Variants in STK3 observed in about 807,000 individuals in gnomAD.
STK3 encodes serine/threonine-protein kinase 3.
A neutral mutation model predicts 58.0 loss-of-function variants in STK3; 41 were observed. The ratio of observed to expected loss-of-function variants is 0.71; its 90% CI spans 0.55 to 0.92. The LOEUF (loss-of-function observed/expected upper bound fraction) is 0.92, where lower values mean the gene tolerates loss of function less well. Among genes scored for constraint, STK3 ranks in the 40% least tolerant of loss-of-function variants. STK3 has a pLI of 0.00. For synonymous variants in STK3, 170 were observed against 191.0 expected (o/e 0.89, Z 0.91); for missense variants, 479 against 602.7 (o/e 0.79, Z 2.15).
chr8:98,429,249 G>A (rs1330511797), intron 3 of STK3: 5 of 1,614,068 alleles, frequency 3.1e-6, no homozygotes, highest in Non-Finnish European at 4.2e-6. Flanking sequence ...AAAGCAACTT[G>A]AGAGTGCCAT....
chr8:98,557,989 G>C (rs1586856251), intron 8 of STK3, among the ~76,000 whole-genome samples: 2 of 151,992 alleles, frequency 1.3e-5, no homozygotes, highest in African/African-American at 4.8e-5. Flanking sequence ...TATAGGAGAA[G>C]TTTCCAAACA....
chr8:98,887,138 A>G (rs890170975), intron 1 of STK3, among the ~76,000 whole-genome samples: 1 of 152,108 alleles, frequency 6.6e-6, no homozygotes, highest in African/African-American at 2.4e-5. Context: ...TACTTATAAT[A>G]CCTAATACAA....
Position 98,893,426 on chromosome 8 carries a change from GAAA to G in STK3, c.-78-9595_-78-9593del, listed in dbSNP as rs1838283016. Among the ~76,000 whole-genome samples, 114 of 48,858 alleles carry G rather than the reference GAAA, an allele frequency of 2.3e-3. 2 individuals are homozygous for G. Among genetic ancestry groups the G allele is most frequent in the Admixed American group, 2.7e-3 (12 of 4,430 alleles). The allele number at this position is 48,858 out of a possible 152,430, so 32.1% of individuals were successfully genotyped here. On this transcript the variant is annotated intron_variant, in intron 1 of 1. Coordinates refer to the STK3 transcript ENST00000519420. The stretch of plus-strand genomic sequence containing the variant: ...AGAAAGAAGGAAGGAAGGAAGGAAA[GAAA>G]GAAAGAAAGAAAGAAAGAAAGAAAG...
intron 1 of STK3, chr8:98,438,363 T>G (rs1187406558): frequency 6.6e-6 from 1 of 152,180 alleles, no homozygotes; most frequent in East Asian, 1.9e-4. Flanking sequence ...GTGCTGATAT[T>G]TCAGGGAAGA....
intron 1 of STK3, among the ~76,000 whole-genome samples, chr8:98,797,644 T>A (rs1833262339): frequency 6.6e-6 from 1 of 152,154 alleles, no homozygotes; most frequent in Non-Finnish European, 1.5e-5. Flanking sequence ...TCAAAACTCA[T>A]CAAACTGCAC....
In STK3 at chr8:98,795,692, G is replaced by A. The variant is rs115310542; in HGVS notation, c.27-20873C>T. Among the ~76,000 whole-genome samples the A allele has an allele frequency of 5.5e-3, 832 of 152,192 alleles. 7 individuals are homozygous for A. The highest frequency in any genetic ancestry group is 0.017 in the African/African-American group (694 of 41,520). On this transcript the variant is annotated intron_variant, in intron 1 of 10. Coordinates refer to ENST00000419617, the MANE Select transcript of STK3 (RefSeq NM_006281.4). ...GGAACTGATAAACTACTTGAGTAAC[G>A]TTTCAGGATACAAAATGAACAAAAA... is the stretch of plus-strand genomic sequence containing the variant.
At chr8:98,782,435 C>A in intron 1 of STK3, 1 of 253,216 alleles carries the variant, frequency 3.9e-6, no homozygotes, top group South Asian at 5.8e-5. Flanking sequence ...GGAGTGTGTT[C>A]AAAAACAGGT....
the STK3 span, among the ~76,000 whole-genome samples, chr8:98,344,690 G>A: frequency 4.0e-5 from 6 of 151,696 alleles, no homozygotes; most frequent in African/African-American, 4.8e-5. Flanking sequence ...TCAGGAGATC[G>A]AGACCATCCC....
chr8:98,479,486 CGGGGGGGGGGGGGG>C (rs55853383), intron 10 of STK3, among the ~76,000 whole-genome samples: 1 of 16,686 alleles, frequency 6.0e-5, no homozygotes, highest in Non-Finnish European at 9.0e-5. Flanking sequence ...CACTCCGTCT[CGGGGGGGGGGGGGG>C]GGCGGGAAAG....
chr8:98,428,009 G>C lies in STK3; in HGVS notation n.483+6118C>G, dbSNP rs184683445. 34 of 1,585,148 alleles carry C rather than the reference G, an allele frequency of 2.1e-5. No individual in the cohort carries two copies. Among genetic ancestry groups the C allele is most frequent in the Non-Finnish European group, 2.8e-5 (33 of 1,164,520 alleles). ...CCGGCCAGAGCCTGTGGGACGTGTC[G>C]GAGGCTAACGTCGAGGACGGGGAGA... On this transcript the variant is annotated intron_variant and non_coding_transcript_variant, in intron 3 of 3. Transcript: ENST00000517832. This position sits in a 1 kb window ranked among gnomAD's most constrained non-coding sequence, Gnocchi z 6.7.
chr8:98,762,968 TAA>T (rs1441124937), intron 3 of STK3, among the ~76,000 whole-genome samples: 1 of 152,218 alleles, frequency 6.6e-6, no homozygotes, highest in Admixed American at 6.5e-5. Flanking sequence ...GCAATTCATG[TAA>T]AAGCTCTAGG....
chr8:98,535,209 T>A (rs934730971), intron 9 of STK3, among the ~76,000 whole-genome samples: 1 of 152,178 alleles, frequency 6.6e-6, no homozygotes, highest in Non-Finnish European at 1.5e-5. Context: ...AAACCACCAT[T>A]ATCAACTGCA....
upstream of STK3, among the ~76,000 whole-genome samples, chr8:98,826,608 C>T (rs931710966): frequency 1.3e-5 from 2 of 152,190 alleles, no homozygotes; most frequent in Non-Finnish European, 2.9e-5. Flanking sequence ...CAGCCCTCAT[C>T]CCATTGTAAT....
intron 10 of STK3, among the ~76,000 whole-genome samples, chr8:98,480,692 A>G (rs1039667349): frequency 6.6e-6 from 1 of 152,206 alleles, no homozygotes; most frequent in African/African-American, 2.4e-5. Context: ...CAATTACTAC[A>G]GAGGCTACTG....
intron 7 of STK3, among the ~76,000 whole-genome samples, chr8:98,580,376 GC>G (rs541648989): frequency 8.5e-5 from 13 of 152,108 alleles, no homozygotes; most frequent in South Asian, 4.2e-4. Context: ...CCCTGATCTA[GC>G]TAAAATAGCT....
At chr8:98,344,480 C>T in the STK3 span, among the ~76,000 whole-genome samples, 1 of 152,342 alleles carries the variant, frequency 6.6e-6, no homozygotes, top group East Asian at 1.9e-4. Flanking sequence ...GGCATCCTTG[C>T]TGCCCAGTGC....
chr8:98,681,628 T>C (rs1249990566), intron 6 of STK3, among the ~76,000 whole-genome samples: 1 of 152,154 alleles, frequency 6.6e-6, no homozygotes, highest in Non-Finnish European at 1.5e-5. Context: ...TATTCAGAAA[T>C]ATACTAGTGT....
At chr8:98,503,930 G>C (rs961012853) in intron 10 of STK3, among the ~76,000 whole-genome samples, 9 of 152,222 alleles carry the variant, frequency 5.9e-5, no homozygotes, top group African/African-American at 1.9e-4. Context: ...GCTTGGTGCA[G>C]AGCTGAGTTC....
Position 98,774,753 on chromosome 8 carries a change from C to A in STK3, c.93G>T (p.Glu31Asp). ...KQPEEVFDVLEKLGEGSYGSV... is the reference protein window; with the variant it reads ...KQPEEVFDVLDKLGEGSYGSV... ...TTTGTACTTACCCTTCTCCAAGCTTCTCTAATACATCAAAAACTTCTTCAG... is the reference window on the plus strand; with the variant it reads ...TTTGTACTTACCCTTCTCCAAGCTTATCTAATACATCAAAAACTTCTTCAG... Residue 31 changes from glutamate (E) to aspartate (D), a missense_variant, in exon 2 of 11, where the codon GAG becomes GAT. Around this residue, in one of 3 missense-constraint regions of STK3, gnomAD observed 44 missense variants for 37.0 expected, o/e 1.19. Transcript: ENST00000419617. 1 of 1,586,932 alleles carries A rather than the reference C, an allele frequency of 6.3e-7. No homozygotes were observed. The highest frequency in any genetic ancestry group is 1.2e-5 in the South Asian group (1 of 84,278).
Sources: gnomAD v4.1 joint callset for allele counts (sites outside exome capture counted in the v4.1 genomes callset) on GRCh38, gnomAD v4.1.1 for gene constraint, gnomAD v4.1.1 regional missense constraint, Gnocchi (gnomAD v3.1) non-coding constraint, MANE v1.5 for transcripts, NCBI Gene and HGNC (gene_info 2026-07-23, HGNC 2026-07-21) for gene names.